Variants in CHRM3 observed in about 807,000 individuals in gnomAD.
CHRM3 encodes the protein muscarinic acetylcholine receptor M3.
A neutral mutation model predicts 41.8 loss-of-function variants in CHRM3; 11 were observed. The observed-to-expected ratio is 0.26, with a 90% confidence interval of 0.17 to 0.44. The LOEUF is 0.44. CHRM3 is among the 20% of genes least tolerant of loss of function. The pLI is 1.00. For missense variants in CHRM3, 571 were observed against 745.4 expected, an observed-to-expected ratio of 0.77 and a Z score of 2.72; for synonymous variants, 297 against 301.4, an observed-to-expected ratio of 0.99 and a Z score of 0.15.
At chr1:239,798,195 A>G (rs2148903368) in intron 5 of CHRM3, among the ~76,000 whole-genome samples, 1 of 152,308 alleles carries the variant, frequency 6.6e-6, no homozygotes, top group East Asian at 1.9e-4. Flanking sequence ...TCTTTATTGT[A>G]AGAATATAGT....
At chr1:239,559,181 T>G (rs1317344619) in intron 3 of CHRM3, among the ~76,000 whole-genome samples, 1 of 152,178 alleles carries the variant, frequency 6.6e-6, no homozygotes, top group Non-Finnish European at 1.5e-5. Flanking sequence ...TTATAAACTG[T>G]GAAAAGGTCA....
At chr1:239,725,456 A>AG (rs1430664722) in intron 5 of CHRM3, among the ~76,000 whole-genome samples, 5 of 151,908 alleles carry the variant, frequency 3.3e-5, no homozygotes, top group Non-Finnish European at 5.9e-5. Flanking sequence ...AGCAGGATAT[A>AG]CTTTTTGTTT....
At chr1:239,397,446 G>A (rs942647106) in intron 1 of CHRM3, among the ~76,000 whole-genome samples, 12 of 151,990 alleles carry the variant, frequency 7.9e-5, no homozygotes, top group African/African-American at 2.9e-4. Flanking sequence ...GTCGAGATGG[G>A]TGGATCAGGA....
intron 5 of CHRM3, among the ~76,000 whole-genome samples, chr1:239,699,560 C>A (rs1268024986): frequency 1.3e-5 from 2 of 152,156 alleles, no homozygotes; most frequent in Admixed American, 1.3e-4. Context: ...AGATAAATTT[C>A]TCTTGCTTAA....
chr1:239,725,486 G>C (rs1663352623), intron 5 of CHRM3, among the ~76,000 whole-genome samples: 1 of 151,896 alleles, frequency 6.6e-6, no homozygotes, highest in South Asian at 2.1e-4. Context: ...GGACATGCCT[G>C]ATGTTTCTAT....
In CHRM3 at chr1:239,735,417, GA is replaced by G. The variant is rs1403651723; in HGVS notation, c.-147+57130del. Among the ~76,000 whole-genome samples, 5 of 151,228 alleles carry G rather than the reference GA, an allele frequency of 3.3e-5. No individual in the cohort carries two copies. In the East Asian group the frequency reaches 7.7e-4, roughly 23 times the overall value. On this transcript the variant is annotated intron_variant, in intron 5 of 6. Coordinates refer to ENST00000676153, the MANE Select transcript of CHRM3 (RefSeq NM_001375978.1). ...CATGTAGCTGACAAGTACTAAATGA[GA>G]GGCAATTTTTTTTCCTGCTTTTATT...
intron 5 of CHRM3, among the ~76,000 whole-genome samples, chr1:239,813,871 C>G (rs1054083828): frequency 7.3e-6 from 1 of 137,352 alleles, no homozygotes; most frequent in Non-Finnish European, 1.5e-5. Context: ...GAGCCGAGAT[C>G]CCGCCACTGC....
At chr1:239,819,180 G>T (rs570243702) in intron 5 of CHRM3, among the ~76,000 whole-genome samples, 2 of 152,246 alleles carry the variant, frequency 1.3e-5, no homozygotes, top group East Asian at 1.9e-4. Flanking sequence ...GCTCTACCTT[G>T]TTGCACCCCT....
intron 6 of CHRM3, among the ~76,000 whole-genome samples, chr1:239,869,341 A>G (rs560787688): frequency 1.3e-5 from 1 of 76,820 alleles, no homozygotes; most frequent in South Asian, 9.0e-4. Flanking sequence ...AGCCCTGAGA[A>G]CAATCCAAGA....
At chr1:239,736,024 T>G (rs1056726744) in intron 5 of CHRM3, among the ~76,000 whole-genome samples, 3 of 152,080 alleles carry the variant, frequency 2.0e-5, no homozygotes, top group African/African-American at 7.2e-5. Flanking sequence ...GATTTAAGTC[T>G]GAAGGGTAAG....
At position 239,830,581 on chromosome 1, in the gene CHRM3, G is replaced by A. The variant is rs553293020; in HGVS notation, c.-20+3203G>A. 2.2e-4 allele frequency among the ~76,000 whole-genome samples: 34 copies of A among 152,322 alleles called. No homozygotes were observed. The East Asian group carries it at 6.2e-3, about 28-fold the overall frequency. On this transcript the variant is annotated intron_variant, in intron 6 of 6. Transcript: ENST00000676153. ...TAGCCAGGTGTGGTGGCGCGTGCCTGTAGTCCCAGCTACTTGGGAGGCTAA... is the reference window on the plus strand; with the variant it reads ...TAGCCAGGTGTGGTGGCGCGTGCCTATAGTCCCAGCTACTTGGGAGGCTAA...
intron 5 of CHRM3, among the ~76,000 whole-genome samples, chr1:239,773,942 AC>A (rs151224192): frequency 0.02 from 3,008 of 152,322 alleles, 107 homozygotes; most frequent in African/African-American, 0.069. Context: ...ATTTAGAGAT[AC>A]TAGAGAAATA....
chr1:239,790,866 G>A (rs551241115), intron 5 of CHRM3, among the ~76,000 whole-genome samples: 1 of 152,202 alleles, frequency 6.6e-6, no homozygotes, highest in East Asian at 1.9e-4. Flanking sequence ...TCAATGGCAG[G>A]ATAAAGTCTC....
intron 5 of CHRM3, among the ~76,000 whole-genome samples, chr1:239,806,050 G>A (rs572876803): frequency 4.6e-5 from 7 of 152,212 alleles, no homozygotes; most frequent in African/African-American, 1.2e-4. Context: ...GAACCCAGCC[G>A]GCTCAGACAC....
intron 5 of CHRM3, among the ~76,000 whole-genome samples, chr1:239,684,233 T>A (rs1224912272): frequency 6.6e-6 from 1 of 152,132 alleles, no homozygotes; most frequent in Non-Finnish European, 1.5e-5. Flanking sequence ...AGGGCACTGC[T>A]ATGGCCCAGT....
intron 3 of CHRM3, among the ~76,000 whole-genome samples, chr1:239,606,706 T>C (rs1306565612): frequency 1.3e-5 from 2 of 152,168 alleles, no homozygotes; most frequent in Non-Finnish European, 2.9e-5. Flanking sequence ...TACTCTAAGT[T>C]GATTGTCAAA....
chr1:239,779,250 C>T (rs948728171), intron 5 of CHRM3, among the ~76,000 whole-genome samples: 24 of 152,098 alleles, frequency 1.6e-4, no homozygotes, highest in African/African-American at 5.6e-4. Flanking sequence ...ACATGCACAG[C>T]CTCCCCTGTT....
chr1:239,812,128 C>T (rs1671168087), intron 5 of CHRM3, among the ~76,000 whole-genome samples: 1 of 152,182 alleles, frequency 6.6e-6, no homozygotes, highest in African/African-American at 2.4e-5. Context: ...CACCCTCCTC[C>T]TCCCGGGCTC....
intron 2 of CHRM3, among the ~76,000 whole-genome samples, chr1:239,508,863 A>T (rs553826737): frequency 6.6e-6 from 1 of 152,322 alleles, no homozygotes; most frequent in East Asian, 1.9e-4. Flanking sequence ...TAAGCTTATG[A>T]TTCAGCTGTG....
Sources: allele counts gnomAD v4.1 joint callset (sites outside exome capture counted in the v4.1 genomes callset), GRCh38; gene constraint gnomAD v4.1.1; transcripts MANE v1.5; gene names NCBI Gene and HGNC (gene_info 2026-07-23, HGNC 2026-07-21).